PDK1: variants seen among roughly 807,000 people sequenced by gnomAD.
The protein encoded by PDK1 is [Pyruvate dehydrogenase (acetyl-transferring)] kinase isozyme 1, mitochondrial.
Under a neutral mutation model 54.2 loss-of-function variants are expected in PDK1, and 39 were observed. The observed-to-expected ratio is 0.72, with a 90% CI of 0.56 to 0.94. The LOEUF is 0.94. Ranked by LOEUF, PDK1 falls within the 40% of genes least tolerant of loss-of-function variation. PDK1 has a pLI of 0.00. For synonymous variants in PDK1, 221 were observed against 207.1 expected (o/e 1.07, Z -0.58); for missense variants, 552 against 566.0 (o/e 0.98, Z 0.25).
At chr2:172,644,930 T>A in the PDK1 span, among the ~76,000 whole-genome samples, 2 of 116,464 alleles carry the variant, frequency 1.7e-5, no homozygotes, top group East Asian at 4.0e-4. Context: ...ATGCCCTTGG[T>A]TTTCTTATCT....
At chr2:172,575,029 AG>A in intron 8 of PDK1, among the ~76,000 whole-genome samples, 1 of 152,138 alleles carries the variant, frequency 6.6e-6, no homozygotes, top group East Asian at 1.9e-4. Context: ...TATCAGATTG[AG>A]GAAATTTGCC....
At chr2:172,555,841 C>T (rs569605629), upstream of PDK1, 25 of 264,884 alleles carry the variant, frequency 9.4e-5, no homozygotes, top group Non-Finnish European at 1.5e-4. Flanking sequence ...CACACCTCGC[C>T]GGCTGGGGCG....
Position 172,595,486 on chromosome 2 carries a change from G to A in PDK1, c.1171-343G>A, listed in dbSNP as rs146907754. Among the ~76,000 whole-genome samples the A allele has an allele frequency of 2.2e-3, 339 of 152,074 alleles. 2 individuals carry two copies. The highest frequency in any genetic ancestry group is 7.6e-3 in the African/African-American group (316 of 41,492). ...GTGCATCTATTAAGATACATATATC[G>A]ATTTGTATGCTTTTACATTTAACCA... On this transcript the variant is annotated intron_variant, in intron 10 of 10. Transcript: ENST00000282077.
chr2:172,579,322 G>C (rs1251644172), intron 8 of PDK1, among the ~76,000 whole-genome samples: 2 of 152,102 alleles, frequency 1.3e-5, no homozygotes, highest in African/African-American at 4.8e-5. Flanking sequence ...CAGCTACCAG[G>C]CTGCTGGTTT....
the PDK1 span, among the ~76,000 whole-genome samples, chr2:172,700,112 T>C: frequency 6.6e-6 from 1 of 152,168 alleles, no homozygotes; most frequent in Non-Finnish European, 1.5e-5. Flanking sequence ...GGCAGAAGAA[T>C]TTTTCTTAGT....
the PDK1 span, among the ~76,000 whole-genome samples, chr2:172,688,566 A>G: frequency 6.6e-6 from 1 of 152,290 alleles, no homozygotes; most frequent in South Asian, 2.1e-4. Context: ...GCAGACCCCA[A>G]CGTGGGATTT....
At chr2:172,637,427 C>T in the PDK1 span, among the ~76,000 whole-genome samples, 1 of 148,408 alleles carries the variant, frequency 6.7e-6, no homozygotes, top group Non-Finnish European at 1.5e-5. Flanking sequence ...GTACCTGATA[C>T]ACCTTAACCC....
intron 8 of PDK1, among the ~76,000 whole-genome samples, chr2:172,584,395 GT>G (rs893799800): frequency 6.7e-6 from 1 of 149,634 alleles, no homozygotes; most frequent in African/African-American, 2.5e-5. Flanking sequence ...TTGTTGGTTG[GT>G]TTTTTTTGCT....
the PDK1 span, among the ~76,000 whole-genome samples, chr2:172,656,824 A>T: frequency 1.6e-4 from 24 of 152,294 alleles, no homozygotes; most frequent in African/African-American, 5.5e-4. Context: ...GATAAAATTT[A>T]AAAAAAGTAA....
the PDK1 span, among the ~76,000 whole-genome samples, chr2:172,614,776 A>T: frequency 6.6e-6 from 1 of 152,228 alleles, no homozygotes; most frequent in South Asian, 2.1e-4. Context: ...GAATTCAGGC[A>T]CCATGGCCAT....
intron 8 of PDK1, among the ~76,000 whole-genome samples, chr2:172,572,408 A>G (rs373548580): frequency 6.6e-6 from 1 of 152,212 alleles, no homozygotes; most frequent in African/African-American, 2.4e-5. Flanking sequence ...ATTTTAGAAC[A>G]TTTTCATCAG....
At chr2:172,571,171 A>G (rs1396796537) in intron 8 of PDK1, among the ~76,000 whole-genome samples, 1 of 152,188 alleles carries the variant, frequency 6.6e-6, no homozygotes, top group Non-Finnish European at 1.5e-5. Context: ...AAATTTTAAA[A>G]CAGTGCTTTC....
the PDK1 span, among the ~76,000 whole-genome samples, chr2:172,711,865 C>CAAAAAAAAAAAAAAAAAA: frequency 4.4e-5 from 1 of 22,784 alleles, no homozygotes; most frequent in East Asian, 1.9e-3. Flanking sequence ...GAACCTAGCT[C>CAAAAAAAAAAAAAAAAAA]AAAAAAAAAA....
intron 10 of PDK1, among the ~76,000 whole-genome samples, chr2:172,594,184 CCTGA>C (rs1690765708): frequency 6.6e-6 from 1 of 151,928 alleles, no homozygotes; most frequent in African/African-American, 2.4e-5. Context: ...ATTACAGGCG[CCTGA>C]CTAATTTTGT....
chr2:172,722,837 A>G, the PDK1 span, among the ~76,000 whole-genome samples: 10 of 152,224 alleles, frequency 6.6e-5, no homozygotes, highest in African/African-American at 2.4e-4. Flanking sequence ...GCTGTTACTT[A>G]TATAAGTTGG....
At chr2:172,567,013 G>A (rs1688991620) in intron 6 of PDK1, 80 bp downstream of exon 6, 1 of 955,284 alleles carries the variant, frequency 1.0e-6, no homozygotes. Flanking sequence ...TGTTTTAATG[G>A]AAGATGACTT....
At position 172,580,311 on chromosome 2, in the gene PDK1, C is replaced by T. The variant is rs144812732; in HGVS notation, c.946-5967C>T. On this transcript the variant is annotated intron_variant, in intron 8 of 10. Transcript: ENST00000282077. ...GTTAGTTGTGTGTCAGCTACTTTCC[C>T]GTTAAGGTTTACAGTCAAGAAAAGA... Among the ~76,000 whole-genome samples the T allele has an allele frequency of 6.6e-3, 998 of 150,668 alleles. 15 individuals are homozygous for T. The highest frequency in any genetic ancestry group is 0.022 in the African/African-American group (894 of 40,900).
At chr2:172,590,193 A>G (rs1405277764) in intron 9 of PDK1, among the ~76,000 whole-genome samples, 1 of 152,250 alleles carries the variant, frequency 6.6e-6, no homozygotes, top group African/African-American at 2.4e-5. Flanking sequence ...AGATATATCT[A>G]TTAGGCTGCA....
chr2:172,565,878 A>G (rs942391604), intron 5 of PDK1, among the ~76,000 whole-genome samples: 1 of 152,214 alleles, frequency 6.6e-6, no homozygotes, highest in African/African-American at 2.4e-5. Context: ...ATGTATCAGT[A>G]TGTGTTAATT....
Sources: gnomAD v4.1 joint callset for allele counts (sites outside exome capture counted in the v4.1 genomes callset) on GRCh38, gnomAD v4.1.1 for gene constraint, MANE v1.5 for transcripts, NCBI Gene and HGNC (gene_info 2026-07-23, HGNC 2026-07-21) for gene names.